Variants in CNTN4 observed in about 807,000 individuals in gnomAD.
CNTN4 encodes the protein contactin-4.
In CNTN4, 77 loss-of-function variants were observed where a neutral mutation model predicts 122.5. That is an observed-to-expected ratio of 0.63 (90% CI 0.52 to 0.76). The LOEUF (loss-of-function observed/expected upper bound fraction) is 0.76. CNTN4 is among the 30% of genes least tolerant of loss of function. The pLI is 0.00. For missense variants in CNTN4, 1,256 were observed against 1,259.1 expected (o/e 1.00, Z 0.04); for synonymous variants, 512 against 447.0 (o/e 1.15, Z -1.83).
chr3:2,529,726 C>T (rs533009889), intron 3 of CNTN4, among the ~76,000 whole-genome samples: 19 of 152,046 alleles, frequency 1.2e-4, no homozygotes, highest in Non-Finnish European at 1.9e-4. Context: ...CTGCCTTGAT[C>T]GTCTTTACTC....
At chr3:2,890,530 T>G (rs1289017405) in intron 10 of CNTN4, among the ~76,000 whole-genome samples, 1 of 152,242 alleles carries the variant, frequency 6.6e-6, no homozygotes, top group Non-Finnish European at 1.5e-5. Flanking sequence ...TCATCAGCTC[T>G]CCACTTCAGC....
chr3:2,628,854 A>G (rs1181054252), intron 4 of CNTN4, among the ~76,000 whole-genome samples: 2 of 152,198 alleles, frequency 1.3e-5, no homozygotes, highest in Non-Finnish European at 2.9e-5. Flanking sequence ...TTGGAACTGG[A>G]TATAACCCAA....
chr3:2,632,385 G>T (rs1338799703), intron 4 of CNTN4, among the ~76,000 whole-genome samples: 2 of 152,112 alleles, frequency 1.3e-5, no homozygotes, highest in Non-Finnish European at 2.9e-5. Flanking sequence ...AAATATGGCT[G>T]TTTTTCAGTT....
chr3:2,346,770 A>T (rs1434435923), intron 3 of CNTN4, among the ~76,000 whole-genome samples: 1 of 152,162 alleles, frequency 6.6e-6, no homozygotes, highest in Non-Finnish European at 1.5e-5. Context: ...TATTTCTTAC[A>T]TTTGGAGTTC....
rs114783823 is a variant in CNTN4 at position 2,126,727 on chromosome 3, A to T, written c.-145+26088A>T. Among the ~76,000 whole-genome samples, 1,205 of 152,308 alleles carry T rather than the reference A, an allele frequency of 7.9e-3. 10 individuals are homozygous for T. The highest frequency in any genetic ancestry group is 0.041 in the Middle Eastern group (12 of 294). The stretch of plus-strand genomic sequence containing the variant: ...TAACTTCAAACCTGTTTGAAAACTC[A>T]TCAAGTAATATTTTTCTTACTTTAA... On this transcript the variant is annotated intron_variant, in intron 2 of 24. Transcript: ENST00000418658.
At chr3:2,337,803 CAAA>C (rs71301183) in intron 2 of CNTN4, among the ~76,000 whole-genome samples, 1 of 151,786 alleles carries the variant, frequency 6.6e-6, no homozygotes, top group Non-Finnish European at 1.5e-5. Context: ...TTTGAAAAAA[CAAA>C]AAACTTTGAC....
At chr3:2,562,901 T>A (rs909373003) in intron 3 of CNTN4, among the ~76,000 whole-genome samples, 1 of 151,982 alleles carries the variant, frequency 6.6e-6, no homozygotes, top group Non-Finnish European at 1.5e-5. Flanking sequence ...CTTTTAAATT[T>A]TTTTTTTGTA....
Position 2,861,856 on chromosome 3 carries a change from C to T in CNTN4, c.455-4896C>T, listed in dbSNP as rs142208341. Among the ~76,000 whole-genome samples the T allele has an allele frequency of 5.6e-3, 855 of 152,234 alleles. 4 individuals carry two copies. The highest frequency in any genetic ancestry group is 0.014 in the Middle Eastern group (4 of 294). Reference sequence around the variant, plus strand: ...TTTGATGATCTACATATAGAATGTACGGAATGATGAAAGAGACTGAGACAT... The same window carrying T: ...TTTGATGATCTACATATAGAATGTATGGAATGATGAAAGAGACTGAGACAT... On this transcript the variant is annotated intron_variant, in intron 7 of 24. Coordinates refer to ENST00000418658, the MANE Select transcript of CNTN4 (RefSeq NM_175607.3).
At chr3:2,802,236 T>C (rs4453819) in intron 6 of CNTN4, among the ~76,000 whole-genome samples, 49,229 of 151,940 alleles carry the variant, frequency 0.32, 8,307 homozygotes, top group East Asian at 0.61. Flanking sequence ...CCTTTTGGAG[T>C]CTTTGTGGTC....
intron 4 of CNTN4, among the ~76,000 whole-genome samples, chr3:2,601,772 T>C (rs1559291358): frequency 6.6e-6 from 1 of 152,084 alleles, no homozygotes; most frequent in African/African-American, 2.4e-5. Flanking sequence ...TACCAAAGCC[T>C]GGCAGAGACA....
chr3:2,593,171 T>C (rs924498055), intron 4 of CNTN4, among the ~76,000 whole-genome samples: 1 of 152,220 alleles, frequency 6.6e-6, no homozygotes, highest in African/African-American at 2.4e-5. Flanking sequence ...TATGGAAACA[T>C]CTATTTATGT....
intron 2 of CNTN4, among the ~76,000 whole-genome samples, chr3:2,148,248 G>A (rs1362312022): frequency 6.6e-6 from 1 of 152,026 alleles, no homozygotes; most frequent in Non-Finnish European, 1.5e-5. Context: ...CAGAAAAACA[G>A]CAAGGCCGGG....
intron 2 of CNTN4, among the ~76,000 whole-genome samples, chr3:2,231,277 G>A (rs779293879): frequency 6.6e-5 from 10 of 152,260 alleles, no homozygotes; most frequent in East Asian, 1.9e-4. Flanking sequence ...AAGTAGGACA[G>A]CTTGGCTCTG....
chr3:2,442,036 T>G (rs974198554), intron 3 of CNTN4, among the ~76,000 whole-genome samples: 1 of 152,186 alleles, frequency 6.6e-6, no homozygotes, highest in African/African-American at 2.4e-5. Flanking sequence ...GTATTTAATA[T>G]GCTGGTTAGA....
rs888140964 is a variant in CNTN4 at position 2,146,087 on chromosome 3, A to C, written c.-145+45448A>C. Among the ~76,000 whole-genome samples the C allele has an allele frequency of 2.1e-4, 13 of 62,792 alleles. 1 individual carries two copies. In the Admixed American group the frequency reaches 2.3e-3, roughly 11 times the overall value. 41.2% of individuals were successfully genotyped at this position (62,792 alleles called of 152,430 possible). On this transcript the variant is annotated intron_variant, in intron 2 of 24. Coordinates refer to ENST00000418658, the MANE Select transcript of CNTN4 (RefSeq NM_175607.3). ...TTTGGAAAACAGGTAAAATTGCTAC[A>C]TTATTTCAATTTATTTTATTTTTAA...
chr3:2,553,277 T>A (rs2078588519), intron 3 of CNTN4, among the ~76,000 whole-genome samples: 1 of 152,286 alleles, frequency 6.6e-6, no homozygotes, highest in South Asian at 2.1e-4. Context: ...TGGGTTTGTA[T>A]GTTCCAACTA....
intron 2 of CNTN4, among the ~76,000 whole-genome samples, chr3:2,304,098 G>C (rs1039490234): frequency 2.0e-5 from 3 of 152,168 alleles, no homozygotes; most frequent in African/African-American, 4.8e-5. Flanking sequence ...GTTATTCGAA[G>C]TAGTAGTATT....
chr3:2,110,232 C>G (rs934806119), intron 2 of CNTN4, among the ~76,000 whole-genome samples: 4 of 152,182 alleles, frequency 2.6e-5, no homozygotes, highest in Admixed American at 2.6e-4. Context: ...CACATTCTTA[C>G]TTTTCCCAAG....
chr3:2,533,538 A>T (rs1458191213), intron 3 of CNTN4, among the ~76,000 whole-genome samples: 3 of 152,078 alleles, frequency 2.0e-5, no homozygotes, highest in South Asian at 4.1e-4. Flanking sequence ...TCTATCATTG[A>T]TGGACATTTG....
Sources: allele counts gnomAD v4.1 joint callset (sites outside exome capture counted in the v4.1 genomes callset), GRCh38; gene constraint gnomAD v4.1.1; transcripts MANE v1.5; gene names NCBI Gene and HGNC (gene_info 2026-07-23, HGNC 2026-07-21).